Variants in C5 observed in about 807,000 individuals in gnomAD.
The protein encoded by C5 is C3 and PZP-like alpha-2-macroglobulin domain-containing protein 4.
Under a neutral mutation model 218.8 loss-of-function variants are expected in C5, and 140 were observed. That is an observed-to-expected ratio of 0.64 (90% CI 0.56 to 0.74). The LOEUF (loss-of-function observed/expected upper bound fraction) is 0.74. C5 is among the 30% of genes least tolerant of loss of function. The pLI is 0.00. For missense variants in C5, 1,700 were observed against 1,969.6 expected (o/e 0.86, Z 2.59); for synonymous variants, 614 against 682.3 (o/e 0.90, Z 1.56).
At position 121,020,094 on chromosome 9, in the gene C5, C is replaced by T; in HGVS notation, c.1388G>A (p.Ser463Asn). Residue 463 changes from serine (S) to asparagine (N), a missense_variant, in exon 12 of 41, where the codon AGT becomes AAT. Coordinates refer to ENST00000223642, the MANE Select transcript of C5 (RefSeq NM_001735.3). ...RAIAYSSLSQ[S>N]YLYIDWTDNH... ...ATCAGTCCAATCAATATAAAGGTAACTTTGGCTGAGAGATGAGTATGCTAT... is the reference window on the plus strand; with the variant it reads ...ATCAGTCCAATCAATATAAAGGTAATTTTGGCTGAGAGATGAGTATGCTAT... 6.2e-7 allele frequency: 1 copy of T among 1,613,768 alleles called. No homozygotes were observed. Among genetic ancestry groups the T allele is most frequent in the Non-Finnish European group, 8.5e-7 (1 of 1,179,706 alleles).
In C5 at chr9:120,985,897, G is replaced by T. The variant is rs750042696; in HGVS notation, c.3231-3083C>A. On this transcript the variant is annotated intron_variant, in intron 25 of 40. Transcript: ENST00000223642. ...AGGATGTGAAATGTCCCCTGGAGAA[G>T]AAAAATACTGAGCAGTTAATCTACA... 2.8e-4 allele frequency among the ~76,000 whole-genome samples: 43 copies of T among 152,172 alleles called. 2 individuals are homozygous for T. The highest frequency in any genetic ancestry group is 2.8e-4 in the Non-Finnish European group (19 of 68,018).
intron 14 of C5, among the ~76,000 whole-genome samples, chr9:121,016,825 G>C (rs1564152788): frequency 6.6e-6 from 1 of 152,184 alleles, no homozygotes; most frequent in Non-Finnish European, 1.5e-5. Context: ...CTGAAGACTT[G>C]TTTGGACAGG....
intron 39 of C5, among the ~76,000 whole-genome samples, chr9:120,956,721 T>A (rs1032831744): frequency 6.6e-6 from 1 of 152,050 alleles, no homozygotes; most frequent in Non-Finnish European, 1.5e-5. Flanking sequence ...CGTAGACCAA[T>A]GGAACAGGTT....
chr9:121,008,285 C>T, intron 18 of C5, 123 bp downstream of exon 18: 2 of 741,908 alleles, frequency 2.7e-6, no homozygotes, highest in Non-Finnish European at 4.7e-6. Flanking sequence ...AAAATTTGAT[C>T]AAATTGCAGG....
At chr9:120,983,185 A>G (rs1564139592) in intron 25 of C5, among the ~76,000 whole-genome samples, 1 of 152,246 alleles carries the variant, frequency 6.6e-6, no homozygotes, top group East Asian at 1.9e-4. Flanking sequence ...TCTAGATTGT[A>G]AAATTTGTGC....
At position 120,976,896 on chromosome 9, in the gene C5, G is replaced by T; in HGVS notation, c.3668C>A (p.Pro1223His). The change falls in exon 29 of 41, where the codon CCC (proline) becomes CAC (histidine). Residue 1223 changes from proline to histidine, a missense_variant. Pro to His is a moderately conservative substitution (Grantham distance 77). Transcript: ENST00000223642. Reference sequence around the variant, plus strand: ...ATTGTCTTTCCAAAAACGATAAATGGGTGGATTACCTGAACATCAACAAAT... The same window carrying T: ...ATTGTCTTTCCAAAAACGATAAATGTGTGGATTACCTGAACATCAACAAAT... ...KREALVKGNPPIYRFWKDNLQ... is the reference protein window; with the variant it reads ...KREALVKGNPHIYRFWKDNLQ... 1 of 1,613,214 alleles carries T rather than the reference G, an allele frequency of 6.2e-7. No homozygotes were observed.
intron 8 of C5, among the ~76,000 whole-genome samples, chr9:121,026,081 G>A (rs1483805641): frequency 6.6e-6 from 1 of 152,068 alleles, no homozygotes; most frequent in African/African-American, 2.4e-5. Flanking sequence ...AAAATTGAGC[G>A]ACTTGAGGGC....
At chr9:120,963,487 G>T in intron 34 of C5, 149 bp downstream of exon 34, 1 of 659,346 alleles carries the variant, frequency 1.5e-6, no homozygotes, top group Non-Finnish European at 2.7e-6. Context: ...TGGGCAACAA[G>T]AGTGAAAATC....
chr9:120,994,141 C>A (rs999628079), intron 22 of C5, among the ~76,000 whole-genome samples: 8 of 152,140 alleles, frequency 5.3e-5, no homozygotes, highest in Non-Finnish European at 1.0e-4. Context: ...ATTTTAATTA[C>A]TATATACTGT....
intron 12 of C5, among the ~76,000 whole-genome samples, chr9:121,019,390 T>G (rs2047343884): frequency 6.6e-6 from 1 of 152,208 alleles, no homozygotes; most frequent in South Asian, 2.1e-4. Context: ...GTCAGGAAGC[T>G]CTTAATATTT....
At chr9:120,959,264 C>CTTTCT (rs1481189548) in intron 38 of C5, among the ~76,000 whole-genome samples, 9 of 73,342 alleles carry the variant, frequency 1.2e-4, no homozygotes, top group Admixed American at 8.6e-4. Context: ...TTCTTTCTTT[C>CTTTCT]TTTTTTTTTT....
rs2131740926 is a variant in C5, at chr9:121,007,277, T to G, written c.2349-300A>C. On this transcript the variant is annotated intron_variant, in intron 18 of 40. Coordinates refer to ENST00000223642, the MANE Select transcript of C5 (RefSeq NM_001735.3). The stretch of plus-strand genomic sequence containing the variant: ...AAGAAAAAGATGTTTGTTGTGAGTA[T>G]ATTCTAAAATAGGGAAGCAAAGTGA... 1.3e-5 allele frequency among the ~76,000 whole-genome samples: 2 copies of G among 152,344 alleles called. 1 individual carries two copies. Among genetic ancestry groups the G allele is most frequent in the Middle Eastern group, 6.8e-3 (2 of 294 alleles).
intron 25 of C5, among the ~76,000 whole-genome samples, chr9:120,987,644 A>G (rs1424012070): frequency 1.3e-5 from 2 of 150,382 alleles, no homozygotes; most frequent in African/African-American, 4.8e-5. Context: ...CTCAAAAAAA[A>G]AAAAAAGAAA....
intron 5 of C5, 112 bp downstream of exon 5, chr9:121,034,691 T>A (rs1213551200): frequency 1.5e-6 from 1 of 656,628 alleles, no homozygotes; most frequent in Non-Finnish European, 2.7e-6. Context: ...AGATTTTGCA[T>A]ATCCACCTAT....
chr9:121,002,294 A>G (rs1409549051), intron 20 of C5, among the ~76,000 whole-genome samples: 1,313 of 96,744 alleles, frequency 0.014, 47 homozygotes, highest in East Asian at 0.028. Context: ...ATATATGTAT[A>G]TATGTATATA....
chr9:121,002,898 G>T (rs2047184035), intron 20 of C5, among the ~76,000 whole-genome samples: 1 of 152,158 alleles, frequency 6.6e-6, no homozygotes, highest in African/African-American at 2.4e-5. Context: ...CAATTCCACA[G>T]GGCTGAAGAT....
At chr9:121,029,984 A>G (rs1035855860) in intron 7 of C5, among the ~76,000 whole-genome samples, 2 of 152,196 alleles carry the variant, frequency 1.3e-5, no homozygotes, top group African/African-American at 2.4e-5. Flanking sequence ...AGATCAGCAG[A>G]ACTTCCCAGC....
At chr9:121,010,986 T>A (rs2047256998) in intron 17 of C5, among the ~76,000 whole-genome samples, 1 of 152,164 alleles carries the variant, frequency 6.6e-6, no homozygotes, top group Non-Finnish European at 1.5e-5. Context: ...CAAATAAAAA[T>A]TGATTAAAGA....
chr9:120,976,519 T>A (rs1217556387), intron 29 of C5, among the ~76,000 whole-genome samples, 181 bp downstream of exon 29: 1 of 152,236 alleles, frequency 6.6e-6, no homozygotes, highest in Non-Finnish European at 1.5e-5. Context: ...CTGGGCTAAT[T>A]TCCTCTTCTG....
Sources: allele counts gnomAD v4.1 joint callset (sites outside exome capture counted in the v4.1 genomes callset), GRCh38; gene constraint gnomAD v4.1.1; transcripts MANE v1.5; gene names NCBI Gene and HGNC (gene_info 2026-07-23, HGNC 2026-07-21).